METTL15: variants seen among roughly 807,000 people sequenced by gnomAD.
METTL15 encodes the protein 12S rRNA N(4)-cytidine methyltransferase METTL15.
In METTL15, 34 loss-of-function variants were observed where a neutral mutation model predicts 38.3. The observed-to-expected ratio is 0.89, with a 90% CI of 0.68 to 1.18. The LOEUF is 1.18. Ranked by LOEUF, METTL15 falls within the 50% of genes most tolerant of loss-of-function variation. The probability of loss-of-function intolerance (pLI) is 0.00; values close to 1 mark genes in which losing one functional copy is unlikely to be tolerated. For synonymous variants in METTL15, 162 were observed against 170.9 expected, an observed-to-expected ratio of 0.95 and a Z score of 0.41; for missense variants, 438 against 498.4, an observed-to-expected ratio of 0.88 and a Z score of 1.15.
intron 3 of METTL15, among the ~76,000 whole-genome samples, chr11:28,141,153 C>T (rs771329790): frequency 6.6e-6 from 1 of 151,948 alleles, no homozygotes; most frequent in Non-Finnish European, 1.5e-5. Context: ...GGGTTTTTAG[C>T]GGTAATTTGG....
intron 4 of METTL15, among the ~76,000 whole-genome samples, chr11:28,230,638 A>C (rs1853648699): frequency 6.6e-6 from 1 of 151,958 alleles, no homozygotes; most frequent in African/African-American, 2.4e-5. Context: ...GAGTGAAAAC[A>C]ATAGTTGTAT....
chr11:28,473,118 T>C (rs994431217), intron 6 of METTL15, among the ~76,000 whole-genome samples: 1 of 152,166 alleles, frequency 6.6e-6, no homozygotes, highest in African/African-American at 2.4e-5. Flanking sequence ...TGATTGACAT[T>C]CAACAGCTGA....
intron 6 of METTL15, among the ~76,000 whole-genome samples, chr11:28,505,347 T>C (rs1851619678): frequency 6.6e-6 from 1 of 152,212 alleles, no homozygotes. Context: ...CTCCAGACCA[T>C]CTGCTAAGCA....
intron 6 of METTL15, among the ~76,000 whole-genome samples, chr11:28,501,447 C>T (rs560854400): frequency 4.6e-5 from 7 of 152,102 alleles, no homozygotes; most frequent in Non-Finnish European, 1.0e-4. Flanking sequence ...TTATCATATG[C>T]GCTTGGGACA....
intron 6 of METTL15, among the ~76,000 whole-genome samples, chr11:28,454,774 A>G (rs1851153784): frequency 6.6e-6 from 1 of 152,198 alleles, no homozygotes; most frequent in South Asian, 2.1e-4. Flanking sequence ...ACCAACATAA[A>G]TTAGCCATAT....
intron 3 of METTL15, among the ~76,000 whole-genome samples, chr11:28,182,194 C>T (rs1396204208): frequency 6.6e-6 from 1 of 152,034 alleles, no homozygotes; most frequent in Non-Finnish European, 1.5e-5. Context: ...AAAATTTTCT[C>T]CCATTCTGTA....
chr11:28,386,039 A>C lies in METTL15; in HGVS notation c.*358+24003A>C, dbSNP rs192512774. ...TCTGATTGAAGTTGTTACCAGTTCT[A>C]AATAGATGATTATAACTATGAAATG... On this transcript the variant is annotated intron_variant and NMD_transcript_variant, in intron 5 of 7. Coordinates refer to the METTL15 transcript ENST00000532947. Among the ~76,000 whole-genome samples the C allele has an allele frequency of 2.0e-5, 3 of 152,226 alleles. No homozygotes were observed. The East Asian group carries it at 5.8e-4, about 29-fold the overall frequency.
intron 3 of METTL15, among the ~76,000 whole-genome samples, chr11:28,121,360 T>C (rs1852223802): frequency 6.6e-6 from 1 of 152,174 alleles, no homozygotes; most frequent in African/African-American, 2.4e-5. Flanking sequence ...TTTAACTTAA[T>C]TGGCTTTTTA....
At chr11:28,447,256 G>A (rs1342614714) in intron 6 of METTL15, among the ~76,000 whole-genome samples, 1 of 152,054 alleles carries the variant, frequency 6.6e-6, no homozygotes, top group Non-Finnish European at 1.5e-5. Context: ...CATGAGATTA[G>A]GTTATGAAAG....
chr11:28,422,712 C>T (rs1006489258), intron 5 of METTL15, among the ~76,000 whole-genome samples: 14 of 151,998 alleles, frequency 9.2e-5, no homozygotes, highest in Non-Finnish European at 1.8e-4. Flanking sequence ...GGATTAAAAA[C>T]TTAAATCTAA....
intron 6 of METTL15, among the ~76,000 whole-genome samples, chr11:28,451,352 G>A (rs1851118518): frequency 6.6e-6 from 1 of 152,152 alleles, no homozygotes; most frequent in Non-Finnish European, 1.5e-5. Context: ...TTGGGAGGCT[G>A]AGGCAGGCGG....
chr11:28,362,352 G>C (rs144701054), intron 5 of METTL15, among the ~76,000 whole-genome samples: 2 of 151,974 alleles, frequency 1.3e-5, no homozygotes, highest in Non-Finnish European at 2.9e-5. Context: ...TTTTACTATA[G>C]ATTAAAGGGT....
At chr11:28,375,887 A>G (rs1483976726) in intron 5 of METTL15, among the ~76,000 whole-genome samples, 1 of 151,696 alleles carries the variant, frequency 6.6e-6, no homozygotes, top group Non-Finnish European at 1.5e-5. Flanking sequence ...CGTTGGTTTC[A>G]AAGAACATCT....
At chr11:28,462,286 G>C (rs891483341) in intron 6 of METTL15, among the ~76,000 whole-genome samples, 3 of 152,078 alleles carry the variant, frequency 2.0e-5, no homozygotes, top group Non-Finnish European at 4.4e-5. Flanking sequence ...AAGAAGAATG[G>C]AAGTGTAGGA....
At chr11:28,120,575 C>T (rs943649822) in intron 3 of METTL15, among the ~76,000 whole-genome samples, 4 of 152,028 alleles carry the variant, frequency 2.6e-5, no homozygotes, top group African/African-American at 9.6e-5. Flanking sequence ...TGCAAATTTC[C>T]ATGGGGTACG....
chr11:28,307,601 A>G (rs1857126422), intron 6 of METTL15, among the ~76,000 whole-genome samples: 2 of 151,994 alleles, frequency 1.3e-5, no homozygotes, highest in Non-Finnish European at 2.9e-5. Flanking sequence ...TTAAATGGTA[A>G]ATCAGGCTAA....
At chr11:28,513,671 A>C (rs985893369) in intron 6 of METTL15, among the ~76,000 whole-genome samples, 1 of 152,208 alleles carries the variant, frequency 6.6e-6, no homozygotes, top group Non-Finnish European at 1.5e-5. Context: ...AGTCATTAGC[A>C]TTGTTTCTAT....
At chr11:28,390,074 G>C (rs1282904074) in intron 5 of METTL15, among the ~76,000 whole-genome samples, 1 of 150,680 alleles carries the variant, frequency 6.6e-6, no homozygotes, top group Non-Finnish European at 1.5e-5. Flanking sequence ...CTTTTTGATG[G>C]GGTTGTTTTT....
intron 5 of METTL15, among the ~76,000 whole-genome samples, chr11:28,370,778 AT>A (rs1249101471): frequency 6.6e-6 from 1 of 151,802 alleles, no homozygotes; most frequent in Non-Finnish European, 1.5e-5. Context: ...TGTAATTGTC[AT>A]TTTTTATTTG....
Sources: gnomAD v4.1 joint callset for allele counts (sites outside exome capture counted in the v4.1 genomes callset) on GRCh38, gnomAD v4.1.1 for gene constraint, MANE v1.5 for transcripts, NCBI Gene and HGNC (gene_info 2026-07-23, HGNC 2026-07-21) for gene names.